ZSWIM3: variants seen among roughly 807,000 people sequenced by gnomAD.
The protein encoded by ZSWIM3 is zinc finger SWIM-type containing 3, also known as zinc finger SWIM domain-containing protein 3.
A neutral mutation model predicts 47.5 loss-of-function variants in ZSWIM3; 27 were observed. The observed-to-expected ratio is 0.57, with a 90% confidence interval of 0.42 to 0.78. The LOEUF is 0.78. ZSWIM3 is among the 30% of genes least tolerant of loss of function. ZSWIM3 has a pLI of 0.00. For synonymous variants in ZSWIM3, 333 were observed against 333.9 expected, an observed-to-expected ratio of 1.00 and a Z score of 0.03; for missense variants, 689 against 861.3, an observed-to-expected ratio of 0.80 and a Z score of 2.50.
chr20:45,867,099 C>T (rs553701086), intron 1 of ZSWIM3, among the ~76,000 whole-genome samples: 2 of 149,070 alleles, frequency 1.3e-5, no homozygotes, highest in South Asian at 2.1e-4. Flanking sequence ...CTCCGCCTTC[C>T]GAGTTCAAGC....
intron 1 of ZSWIM3, among the ~76,000 whole-genome samples, chr20:45,874,768 T>G (rs911712678): frequency 2.6e-5 from 4 of 152,146 alleles, no homozygotes; most frequent in African/African-American, 9.7e-5. Flanking sequence ...TGCCCTCTTG[T>G]CCTGCCTCAG....
At chr20:45,863,769 A>G (rs1311788197) in intron 1 of ZSWIM3, among the ~76,000 whole-genome samples, 3 of 152,176 alleles carry the variant, frequency 2.0e-5, no homozygotes, top group African/African-American at 7.2e-5. Context: ...AGACCAGGGC[A>G]GACAGATCAC....
chr20:45,878,394 G>A lies in ZSWIM3; in HGVS notation c.1836G>A (p.Lys612=). Residue 612 remains lysine (K), a synonymous_variant, in exon 2 of 2, where the codon AAG becomes AAA. Transcript: ENST00000255152. ...TCCCAAACACAGGCCAGCCTGAGAA[G>A]CAAGGACGGAACGACATGATTCAGG... The part of the protein sequence containing the change: ...GMVPNTGQPE[K]QGRNDMIQDL... The A allele has an allele frequency of 6.2e-7, 1 of 1,614,242 alleles. No individual in the cohort carries two copies. Among genetic ancestry groups the A allele is most frequent in the Non-Finnish European group, 8.5e-7 (1 of 1,180,048 alleles).
Position 45,878,481 on chromosome 20 carries a change from C to T in ZSWIM3, c.1923C>T (p.Arg641=). Residue 641 remains arginine (R), a synonymous_variant, in exon 2 of 2, where the codon CGC becomes CGT. Coordinates refer to ENST00000255152, the MANE Select transcript of ZSWIM3 (RefSeq NM_080752.4). ...MQTEGPELEE[R]YSTLRKIVDI... ...CCGAGGGGCCAGAGCTGGAGGAACGCTACTCCACCCTGCGCAAGATTGTGG... is the reference window on the plus strand; with the variant it reads ...CCGAGGGGCCAGAGCTGGAGGAACGTTACTCCACCCTGCGCAAGATTGTGG... 1 of 1,614,226 alleles carries T rather than the reference C, an allele frequency of 6.2e-7. No individual in the cohort carries two copies. Among genetic ancestry groups the T allele is most frequent in the South Asian group, 1.1e-5 (1 of 91,086 alleles).
At position 45,878,726 on chromosome 20, in the gene ZSWIM3, A is replaced by G; in HGVS notation, c.*77A>G. The G allele has an allele frequency of 6.6e-7, 1 of 1,509,578 alleles. No homozygotes were observed. Among genetic ancestry groups the G allele is most frequent in the South Asian group, 1.3e-5 (1 of 76,014 alleles). The allele number at this position is 1,509,578 out of a possible 1,614,324, so 93.5% of individuals were successfully genotyped here. On this transcript the variant is annotated 3_prime_UTR_variant, in exon 2 of 2. Coordinates refer to ENST00000255152, the MANE Select transcript of ZSWIM3 (RefSeq NM_080752.4). ...GAGTTTAAAGTGGGCAGGACATACT[A>G]GGGTTTAGCATTTTAGCCAATGTCT...
intron 1 of ZSWIM3, among the ~76,000 whole-genome samples, chr20:45,868,531 C>T (rs992667211): frequency 5.3e-5 from 8 of 151,534 alleles, no homozygotes; most frequent in African/African-American, 9.7e-5. Context: ...TACAGGCATG[C>T]GCCACCACAC....
At chr20:45,876,596 C>T in intron 1 of ZSWIM3, 118 bp from the exon 2 acceptor site, 1 of 1,283,756 alleles carries the variant, frequency 7.8e-7, no homozygotes, top group South Asian at 1.5e-5. Context: ...ACCTCAGCCT[C>T]CCAAAGTGCT....
chr20:45,859,487 G>A (rs1017199669), intron 1 of ZSWIM3, among the ~76,000 whole-genome samples: 4 of 152,058 alleles, frequency 2.6e-5, no homozygotes, highest in African/African-American at 9.7e-5. Context: ...GGGAGGTGGG[G>A]GAAGTCTTCA....
Position 45,877,284 on chromosome 20 carries a change from G to A in ZSWIM3, c.726G>A (p.Lys242=). The part of the protein sequence containing the change: ...HILYAFLVEN[K]ERESRVVHFA... The stretch of plus-strand genomic sequence containing the variant: ...TCTATGCTTTCTTGGTGGAGAACAA[G>A]GAACGAGAAAGTCGAGTGGTGCACT... The change falls in exon 2 of 2, where the codon AAG becomes AAA. Residue 242 remains lysine (K), a synonymous_variant. Coordinates refer to ENST00000255152, the MANE Select transcript of ZSWIM3 (RefSeq NM_080752.4). 1.2e-6 allele frequency: 2 copies of A among 1,614,156 alleles called. No homozygotes were observed. The highest frequency in any genetic ancestry group is 1.1e-5 in the South Asian group (1 of 91,082).
intron 1 of ZSWIM3, among the ~76,000 whole-genome samples, chr20:45,862,149 G>T (rs1397530080): frequency 4.0e-5 from 6 of 149,170 alleles, no homozygotes; most frequent in Non-Finnish European, 8.9e-5. Context: ...GGTTTTTTTT[G>T]GTTTTTTTTT....
intron 1 of ZSWIM3, among the ~76,000 whole-genome samples, chr20:45,871,852 ATCTGTCTC>A (rs1985982445): frequency 7.2e-6 from 1 of 139,016 alleles, no homozygotes; most frequent in African/African-American, 2.6e-5. Flanking sequence ...CAGAACGAAT[ATCTGTCTC>A]AAAGAAAAAA....
At position 45,878,895 on chromosome 20, in the gene ZSWIM3, G is replaced by A. The variant is rs1196749865; in HGVS notation, c.*246G>A. 13 of 468,450 alleles carry A rather than the reference G, an allele frequency of 2.8e-5. No homozygotes were observed. The highest frequency in any genetic ancestry group is 1.1e-4 in the Admixed American group (3 of 26,094). 29.0% of individuals were successfully genotyped at this position (468,450 alleles called of 1,614,324 possible). On this transcript the variant is annotated 3_prime_UTR_variant, in exon 2 of 2. Coordinates refer to ENST00000255152, the MANE Select transcript of ZSWIM3 (RefSeq NM_080752.4). The stretch of plus-strand genomic sequence containing the variant: ...GTTGTTCAAGGCCAAAGTTATCTCC[G>A]TGCTGCAAGGTCACCCTCTTCCTCC...
chr20:45,874,945 A>G (rs983156238), intron 1 of ZSWIM3, among the ~76,000 whole-genome samples: 2 of 146,554 alleles, frequency 1.4e-5, no homozygotes, highest in African/African-American at 5.1e-5. Flanking sequence ...GTTCATGGGG[A>G]TTTTGTTGTT....
rs199725190 is a variant in ZSWIM3 at position 45,857,857 on chromosome 20, A to G, written c.32A>G (p.Glu11Gly). Residue 11 changes from glutamate (E) to glycine (G), a missense_variant, in exon 1 of 2, where the codon GAG (glutamate) becomes GGG (glycine). By Grantham distance (98) the Glu-to-Gly change is moderately conservative. Transcript: ENST00000255152. ...CTGGGCAGCTGCTTCAAGACCTATG[A>G]GGACTTCAAGGAGTGCTTCAGCGCC... MELGSCFKTY[E>G]DFKECFSAYK... 1.2e-6 allele frequency: 2 copies of G among 1,614,126 alleles called. No homozygotes were observed. The highest frequency in any genetic ancestry group is 4.5e-5 in the East Asian group (2 of 44,880).
chr20:45,864,771 G>A (rs1332344443), intron 1 of ZSWIM3, among the ~76,000 whole-genome samples: 4 of 152,188 alleles, frequency 2.6e-5, no homozygotes, highest in Non-Finnish European at 4.4e-5. Flanking sequence ...TGAGGCAGGA[G>A]GATCCCTTGA....
At chr20:45,867,001 A>ATTTTTTTTT (rs143983594) in intron 1 of ZSWIM3, among the ~76,000 whole-genome samples, 3 of 131,180 alleles carry the variant, frequency 2.3e-5, no homozygotes, top group Non-Finnish European at 1.6e-5. Flanking sequence ...TCAAGTTAGA[A>ATTTTTTTTT]ATTTTTTTTT....
chr20:45,876,629 G>A (rs761591932), intron 1 of ZSWIM3, 85 bp from the exon 2 acceptor site: 34 of 1,509,776 alleles, frequency 2.3e-5, no homozygotes, highest in African/African-American at 2.8e-5. Context: ...ATGAGCCACT[G>A]TACCCAGCCC....
Position 45,857,661 on chromosome 20 carries a change from A to G in ZSWIM3, c.-165A>G, listed in dbSNP as rs6104370. On this transcript the variant is annotated 5_prime_UTR_variant, in exon 1 of 2. Coordinates refer to ENST00000255152, the MANE Select transcript of ZSWIM3 (RefSeq NM_080752.4). ...TTCCTCTTGTAACCCGGTCAGGCCT[A>G]GGGTTCCTCCCTGAGTTCCAGAATA... The G allele has an allele frequency of 1.2e-3, 1,022 of 820,916 alleles. 10 individuals are homozygous for G. In the African/African-American group the frequency reaches 0.016, roughly 13 times the overall value. 50.9% of individuals were successfully genotyped at this position (820,916 alleles called of 1,614,324 possible).
At chr20:45,872,714 C>T (rs1381805937) in intron 1 of ZSWIM3, 4 of 1,287,980 alleles carry the variant, frequency 3.1e-6, no homozygotes, top group Admixed American at 2.3e-5. Flanking sequence ...GAGAGACAAG[C>T]GGAGACCACA....
Sources: allele counts gnomAD v4.1 joint callset (sites outside exome capture counted in the v4.1 genomes callset), GRCh38; gene constraint gnomAD v4.1.1; transcripts MANE v1.5; gene names NCBI Gene and HGNC (gene_info 2026-07-23, HGNC 2026-07-21).